ASPM: variants seen among roughly 807,000 people sequenced by gnomAD.
ASPM encodes the protein assembly factor for spindle microtubules, also known as abnormal spindle-like microcephaly-associated protein.
A neutral mutation model predicts 366.4 loss-of-function variants in ASPM; 256 were observed. The ratio of observed to expected loss-of-function variants is 0.70; its 90% confidence interval spans 0.63 to 0.77. The LOEUF is 0.77. Among genes scored for constraint, ASPM ranks in the 30% least tolerant of loss-of-function variants. The probability of loss-of-function intolerance (pLI) is 0.00; values close to 1 mark genes in which losing one functional copy is unlikely to be tolerated. For missense variants in ASPM, 4,146 were observed against 4,090.4 expected, an observed-to-expected ratio of 1.01 and a Z score of -0.37; for synonymous variants, 1,414 against 1,342.9, an observed-to-expected ratio of 1.05 and a Z score of -1.16.
intron 12 of ASPM, among the ~76,000 whole-genome samples, chr1:197,124,641 A>T (rs1658026920): frequency 6.6e-6 from 1 of 151,884 alleles, no homozygotes; most frequent in Non-Finnish European, 1.5e-5. Context: ...CTCATCTGAG[A>T]GGTAGACATA....
At position 197,108,206 on chromosome 1, in the gene ASPM, T is replaced by C. The variant is rs142502750; in HGVS notation, c.4066-3021A>G. On this transcript the variant is annotated intron_variant, in intron 17 of 27. Coordinates refer to ENST00000367409, the MANE Select transcript of ASPM (RefSeq NM_018136.5). The stretch of plus-strand genomic sequence containing the variant: ...AGCCTCAAGAGAAATTAAAAACTAT[T>C]TGAACTGAATGAAAAAAAAATACCA... Among the ~76,000 whole-genome samples the C allele has an allele frequency of 2.3e-5, 3 of 132,236 alleles. No homozygotes were observed. In the Admixed American group the frequency reaches 2.7e-4, roughly 12 times the overall value. The allele number at this position is 132,236 out of a possible 152,430, so 86.8% of individuals were successfully genotyped here.
Position 197,144,119 on chromosome 1 carries a change from AT to A in ASPM, c.298-20del. The stretch of plus-strand genomic sequence containing the variant: ...CTTTAGGCTATAATCAAAACAATAC[AT>A]TATATAATTACAATAGTAATTACAT... On this transcript the variant is annotated intron_variant, in intron 1 of 27. Transcript: ENST00000367409. 6.5e-7 allele frequency: 1 copy of A among 1,527,486 alleles called. No homozygotes were observed. The highest frequency in any genetic ancestry group is 9.1e-7 in the Non-Finnish European group (1 of 1,102,416). The allele number at this position is 1,527,486 out of a possible 1,614,324, so 94.6% of individuals were successfully genotyped here.
chr1:197,119,377 A>T (rs1186720700), intron 16 of ASPM, among the ~76,000 whole-genome samples: 1 of 152,202 alleles, frequency 6.6e-6, no homozygotes, highest in African/African-American at 2.4e-5. Flanking sequence ...CAAATGTTGC[A>T]GTTCAGAAGT....
chr1:197,146,078 G>A, intron 1 of ASPM, 63 bp downstream of exon 1: 5 of 1,593,040 alleles, frequency 3.1e-6, no homozygotes, highest in Admixed American at 1.7e-5. Flanking sequence ...CCTGAGGAGG[G>A]TGGCAGGAAA....
At chr1:197,138,900 AT>A in intron 4 of ASPM, 3 of 921,004 alleles carry the variant, frequency 3.3e-6, no homozygotes, top group Non-Finnish European at 5.3e-6. Flanking sequence ...CTGTTGAATC[AT>A]TTTAAGATGC....
At chr1:197,121,681 T>C (rs1210766970) in intron 16 of ASPM, among the ~76,000 whole-genome samples, 1 of 152,162 alleles carries the variant, frequency 6.6e-6, no homozygotes, top group African/African-American at 2.4e-5. Flanking sequence ...CCTCTTCCCC[T>C]GGAACAGACT....
rs369367896 is a variant in ASPM at position 197,144,111 on chromosome 1, A to C, written c.298-11T>G. 1.3e-6 allele frequency: 2 copies of C among 1,562,552 alleles called. No homozygotes were observed. The highest frequency in any genetic ancestry group is 2.7e-5 in the African/African-American group (2 of 73,976). Reference sequence around the variant, plus strand: ...AATTTTCTCTTTAGGCTATAATCAAAACAATACATTATATAATTACAATAG... The same window carrying C: ...AATTTTCTCTTTAGGCTATAATCAACACAATACATTATATAATTACAATAG... On this transcript the variant is annotated splice_polypyrimidine_tract_variant and intron_variant, in intron 1 of 27. Coordinates refer to ENST00000367409, the MANE Select transcript of ASPM (RefSeq NM_018136.5).
rs572801950 is a variant in ASPM at position 197,130,861 on chromosome 1, C to A, written c.2488-805G>T. ...TTCCTAACTAGTTTGTGCTTAGCTA[C>A]ATAATGTGCTTTGGCCAATGGAATG... On this transcript the variant is annotated intron_variant, in intron 7 of 27. Transcript: ENST00000367409. Among the ~76,000 whole-genome samples the A allele has an allele frequency of 3.9e-4, 60 of 152,304 alleles. No homozygotes were observed. In the East Asian group the frequency reaches 8.9e-3, roughly 23 times the overall value.
At chr1:197,095,783 TATTA>T (rs1656951997) in intron 19 of ASPM, among the ~76,000 whole-genome samples, 2 of 151,770 alleles carry the variant, frequency 1.3e-5, no homozygotes, top group African/African-American at 4.8e-5. Flanking sequence ...TTTTAGATTA[TATTA>T]ATTAAAGGCT....
chr1:197,106,728 TTACA>T (rs1227478312), intron 17 of ASPM, among the ~76,000 whole-genome samples: 1 of 152,090 alleles, frequency 6.6e-6, no homozygotes, highest in East Asian at 1.9e-4. Context: ...AAGGAACACA[TTACA>T]TACAATTTTC....
chr1:197,116,016 T>G (rs1657727395), intron 17 of ASPM, among the ~76,000 whole-genome samples: 1 of 152,216 alleles, frequency 6.6e-6, no homozygotes, highest in African/African-American at 2.4e-5. Flanking sequence ...AGATGGCATC[T>G]TCTTTTAATA....
At position 197,102,741 on chromosome 1, in the gene ASPM, A is replaced by C; in HGVS notation, c.6510T>G (p.Val2170=). 1 of 1,612,662 alleles carries C rather than the reference A, an allele frequency of 6.2e-7. No homozygotes were observed. The highest frequency in any genetic ancestry group is 8.5e-7 in the Non-Finnish European group (1 of 1,179,270). The change falls in exon 18 of 28, where the codon GTT becomes GTG. Residue 2170 remains valine, a synonymous_variant. Coordinates refer to ENST00000367409, the MANE Select transcript of ASPM (RefSeq NM_018136.5). ...CTCTAAAACTTGCCTGAAGGACTTT[A>C]ACAGCTTTCAAAATTGTCAGGTACT... is the stretch of plus-strand genomic sequence containing the variant. The part of the protein sequence containing the change: ...REKYLTILKA[V]KVLQASFRGV...
In ASPM at chr1:197,092,017, T is replaced by C; in HGVS notation, c.9334A>G (p.Thr3112Ala). Residue 3112 changes from threonine (T) to alanine (A), a missense_variant, in exon 22 of 28, where the codon ACT becomes GCT. Transcript: ENST00000367409. ...QRAKIRLLHF[T>A]AAAYYHLNAV... is the part of the protein sequence containing the mutation. Reference sequence around the variant, plus strand: ...TTCAGGTGATAATATGCAGCTGCAGTGAAGTGAAGAAGTCGAATTTTGGCT... The same window carrying C: ...TTCAGGTGATAATATGCAGCTGCAGCGAAGTGAAGAAGTCGAATTTTGGCT... 1.2e-6 allele frequency: 2 copies of C among 1,612,108 alleles called. No homozygotes were observed. The highest frequency in any genetic ancestry group is 1.7e-6 in the Non-Finnish European group (2 of 1,178,768).
At chr1:197,118,772 A>G (rs912670084) in intron 16 of ASPM, among the ~76,000 whole-genome samples, 1 of 152,200 alleles carries the variant, frequency 6.6e-6, no homozygotes, top group African/African-American at 2.4e-5. Flanking sequence ...TTAGCTTGTT[A>G]GTTTATTGGT....
Position 197,093,065 on chromosome 1 carries a change from A to T in ASPM, c.9281T>A (p.Leu3094Gln), listed in dbSNP as rs1369884956. ...GAAAATACTTACTCTTTTTCGTACT[A>T]GCCAACCACGCACCAGTGCTTGTAG... is the stretch of plus-strand genomic sequence containing the variant. Reference protein sequence around the residue: ...VILQALVRGWLVRKRFLEQRA... With the variant: ...VILQALVRGWQVRKRFLEQRA... Residue 3094 changes from leucine to glutamine, a missense_variant, in exon 21 of 28, where the codon CTA becomes CAA. By Grantham distance (113) the Leu-to-Gln change is moderately radical (BLOSUM62 -2). Coordinates refer to ENST00000367409, the MANE Select transcript of ASPM (RefSeq NM_018136.5). The T allele has an allele frequency of 2.5e-6, 4 of 1,609,204 alleles. No individual in the cohort carries two copies. In the African/African-American group the frequency reaches 5.3e-5, roughly 22 times the overall value.
rs756379214 is a variant in ASPM at position 197,135,115 on chromosome 1, T to G, written c.2154A>C (p.Val718=). 13 of 1,599,114 alleles carry G rather than the reference T, an allele frequency of 8.1e-6. No individual in the cohort carries two copies. The highest frequency in any genetic ancestry group is 2.7e-5 in the African/African-American group (2 of 74,614). ...NFILTPDDFT[V]KTNISEVNAA... is the part of the protein sequence containing the mutation. ...GTTTACCTTCAGAAATATTTGTTTT[T>G]ACAGTGAAGTCATCAGGGGTTAATA... The change falls in exon 5 of 28, where the codon GTA becomes GTC. Residue 718 remains valine (V), a synonymous_variant. Coordinates refer to ENST00000367409, the MANE Select transcript of ASPM (RefSeq NM_018136.5).
Position 197,086,972 on chromosome 1 carries a change from C to T in ASPM, c.10162G>A (p.Asp3388Asn). ...ILLKTTNRAS[D>N]VRSRSKVVDR... ...ACAACTTTGGACCTACTTCGTACATCCTACAAAATAAAATGCACAGTTACT... is the reference window on the plus strand; with the variant it reads ...ACAACTTTGGACCTACTTCGTACATTCTACAAAATAAAATGCACAGTTACT... The change falls in exon 27 of 28, where the codon GAT (aspartate) becomes AAT (asparagine). Residue 3388 changes from aspartate to asparagine, a missense_variant and splice_region_variant. Around this residue, in one of 3 missense-constraint regions of ASPM, gnomAD observed 3,624 missense variants for 3,591.7 expected, o/e 1.01. Coordinates refer to ENST00000367409, the MANE Select transcript of ASPM (RefSeq NM_018136.5). The T allele has an allele frequency of 3.1e-6, 5 of 1,605,998 alleles. No individual in the cohort carries two copies. The highest frequency in any genetic ancestry group is 1.3e-5 in the African/African-American group (1 of 74,842).
chr1:197,115,005 T>G (rs1657701342), intron 17 of ASPM, among the ~76,000 whole-genome samples: 1 of 152,156 alleles, frequency 6.6e-6, no homozygotes, highest in Non-Finnish European at 1.5e-5. Flanking sequence ...TGCCTCAGCC[T>G]CCCAAAGCGC....
Position 197,093,051 on chromosome 1 carries a change from C to T in ASPM, c.9294+1G>A, listed in dbSNP as rs1656835423. On this transcript the variant is annotated splice_donor_variant, in intron 21 of 27. Coordinates refer to ENST00000367409, the MANE Select transcript of ASPM (RefSeq NM_018136.5). LOFTEE classifies it high-confidence loss of function. ...GAGATATGCTACTTGAAAATACTTA[C>T]TCTTTTTCGTACTAGCCAACCACGC... The T allele has an allele frequency of 6.3e-7, 1 of 1,598,206 alleles. No individual in the cohort carries two copies. Among genetic ancestry groups the T allele is most frequent in the East Asian group, 2.2e-5 (1 of 44,726 alleles).
Sources: allele counts gnomAD v4.1 joint callset (sites outside exome capture counted in the v4.1 genomes callset), GRCh38; gene constraint gnomAD v4.1.1; regional missense constraint gnomAD v4.1.1; transcripts MANE v1.5; gene names NCBI Gene and HGNC (gene_info 2026-07-23, HGNC 2026-07-21).